COL19A1: variants seen among roughly 807,000 people sequenced by gnomAD.
The protein encoded by COL19A1 is collagen alpha-1(XIX) chain.
In COL19A1, 159 loss-of-function variants were observed where a neutral mutation model predicts 190.2. The ratio of observed to expected loss-of-function variants is 0.84; its 90% CI spans 0.73 to 0.95. COL19A1 has a LOEUF of 0.95. COL19A1 is among the 40% of genes least tolerant of loss of function. The pLI is 0.00. For synonymous variants in COL19A1, 509 were observed against 458.9 expected (o/e 1.11, Z -1.39); for missense variants, 1,418 against 1,431.9 (o/e 0.99, Z 0.16).
At chr6:70,153,692 C>T (rs1424990941) in intron 31 of COL19A1, among the ~76,000 whole-genome samples, 15 of 152,074 alleles carry the variant, frequency 9.9e-5, no homozygotes, top group Admixed American at 8.5e-4. Flanking sequence ...ATGTTTGTGT[C>T]TGCAGATAAT....
At chr6:69,975,292 G>T (rs902379677) in intron 11 of COL19A1, among the ~76,000 whole-genome samples, 1 of 152,200 alleles carries the variant, frequency 6.6e-6, no homozygotes, top group Non-Finnish European at 1.5e-5. Flanking sequence ...TACTGTTAGT[G>T]TAATGCTCAG....
intron 18 of COL19A1, among the ~76,000 whole-genome samples, chr6:70,132,834 G>C (rs1183554192): frequency 6.6e-6 from 1 of 152,140 alleles, no homozygotes; most frequent in East Asian, 1.9e-4. Context: ...TTAACAGCTA[G>C]GTCACCTTGG....
intron 48 of COL19A1, among the ~76,000 whole-genome samples, chr6:70,198,605 T>A (rs1767353249): frequency 6.6e-6 from 1 of 152,248 alleles, no homozygotes; most frequent in African/African-American, 2.4e-5. Context: ...TGATAGATTG[T>A]ATTTATAATG....
At chr6:70,168,298 C>A in intron 39 of COL19A1, 83 bp downstream of exon 39, 1 of 1,422,128 alleles carries the variant, frequency 7.0e-7, no homozygotes, top group Non-Finnish European at 9.7e-7. Flanking sequence ...CTTAAGTTCA[C>A]TGAAAAACGC....
rs78708214 is a variant in COL19A1, at chr6:70,207,138, T to C, written c.3302-9T>C. On this transcript the variant is annotated splice_polypyrimidine_tract_variant and intron_variant, in intron 50 of 50. Transcript: ENST00000620364. ...GATCTGCATTGTAATTTTTTTTTTA[T>C]GTCGTTAGCTCTGGGTTTGCCAGGC... The C allele has an allele frequency of 2.7e-3, 4,347 of 1,611,004 alleles. 73 individuals are homozygous for C. In the African/African-American group the frequency reaches 0.041, roughly 15 times the overall value.
At chr6:69,941,396 A>G (rs550643789) in intron 9 of COL19A1, among the ~76,000 whole-genome samples, 5 of 152,304 alleles carry the variant, frequency 3.3e-5, no homozygotes, top group African/African-American at 1.2e-4. Flanking sequence ...ATAATTGTCC[A>G]TATATTGAAG....
At chr6:69,915,350 T>G (rs1370922717) in intron 4 of COL19A1, among the ~76,000 whole-genome samples, 1 of 152,186 alleles carries the variant, frequency 6.6e-6, no homozygotes, top group Non-Finnish European at 1.5e-5. Context: ...TTTAAAATAG[T>G]GAATTAATTT....
At chr6:69,937,469 T>C (rs1773182791) in intron 8 of COL19A1, among the ~76,000 whole-genome samples, 1 of 152,146 alleles carries the variant, frequency 6.6e-6, no homozygotes, top group African/African-American at 2.4e-5. Flanking sequence ...CATGGACCTT[T>C]ATGAACTTCC....
rs1583044568 is a variant in COL19A1, at chr6:70,156,013, C to T, written c.2080-114C>T. 3 of 747,284 alleles carry T rather than the reference C, an allele frequency of 4.0e-6. No homozygotes were observed. In the East Asian group the frequency reaches 8.1e-5, roughly 20 times the overall value. 46.3% of individuals were successfully genotyped at this position (747,284 alleles called of 1,614,324 possible). ...ATCAAGTGTCTGAAAGCAGAATGAC[C>T]TATCTATATCACTCATCTCCAGAGG... On this transcript the variant is annotated intron_variant, in intron 31 of 50. Coordinates refer to ENST00000620364, the MANE Select transcript of COL19A1 (RefSeq NM_001858.6).
intron 6 of COL19A1, among the ~76,000 whole-genome samples, chr6:69,930,271 A>G (rs1772672164): frequency 6.6e-6 from 1 of 152,234 alleles, no homozygotes; most frequent in African/African-American, 2.4e-5. Context: ...ATAAAAAGTT[A>G]CTTTAAATAT....
chr6:70,150,690 C>T (rs921020840), intron 30 of COL19A1, among the ~76,000 whole-genome samples: 3 of 152,132 alleles, frequency 2.0e-5, no homozygotes, highest in African/African-American at 7.2e-5. Context: ...AGTTCTAAGC[C>T]TCACAAATCC....
intron 33 of COL19A1, 97 bp downstream of exon 33, chr6:70,156,466 CT>C: frequency 5.0e-6 from 5 of 998,786 alleles, no homozygotes; most frequent in Non-Finnish European, 7.4e-6. Context: ...AAAATACATA[CT>C]ATATATATAT....
chr6:70,173,487 A>G (rs1765620284), intron 41 of COL19A1, among the ~76,000 whole-genome samples: 1 of 152,216 alleles, frequency 6.6e-6, no homozygotes, highest in South Asian at 2.1e-4. Context: ...ACAATCCAAG[A>G]GAGAATAATG....
chr6:70,021,099 A>G (rs12204820), intron 11 of COL19A1, among the ~76,000 whole-genome samples: 5,549 of 152,240 alleles, frequency 0.036, 140 homozygotes, highest in Middle Eastern at 0.071. Context: ...AATGACAACA[A>G]TAAATCAAAT....
intron 42 of COL19A1, among the ~76,000 whole-genome samples, chr6:70,178,652 A>AT (rs529122627): frequency 1.3e-5 from 2 of 151,922 alleles, no homozygotes; most frequent in Admixed American, 1.3e-4. Context: ...CATGATAAAA[A>AT]TTTTTTTTCG....
intron 15 of COL19A1, among the ~76,000 whole-genome samples, chr6:70,099,582 C>A (rs1270235535): frequency 6.6e-6 from 1 of 151,934 alleles, no homozygotes; most frequent in Non-Finnish European, 1.5e-5. Flanking sequence ...TGGTTCCAAG[C>A]ACTTTGGGAC....
At chr6:70,009,238 C>T (rs1195264442) in intron 11 of COL19A1, among the ~76,000 whole-genome samples, 1 of 151,844 alleles carries the variant, frequency 6.6e-6, no homozygotes, top group Admixed American at 6.6e-5. Context: ...ATGGTATAAT[C>T]TTATATGTAA....
intron 4 of COL19A1, among the ~76,000 whole-genome samples, chr6:69,903,343 T>C (rs973590885): frequency 4.6e-5 from 7 of 152,144 alleles, no homozygotes; most frequent in African/African-American, 1.7e-4. Context: ...ATTAGGCCTA[T>C]AGGCTTCAAG....
intron 18 of COL19A1, among the ~76,000 whole-genome samples, chr6:70,132,018 G>A (rs886143775): frequency 6.6e-6 from 1 of 152,078 alleles, no homozygotes; most frequent in South Asian, 2.1e-4. Context: ...AGTCTACAGG[G>A]AACTTGATGC....
Sources: allele counts gnomAD v4.1 joint callset (sites outside exome capture counted in the v4.1 genomes callset), GRCh38; gene constraint gnomAD v4.1.1; transcripts MANE v1.5; gene names NCBI Gene and HGNC (gene_info 2026-07-23, HGNC 2026-07-21).